Variants in CCDC85A observed in about 807,000 individuals in gnomAD.
CCDC85A encodes the protein coiled-coil domain containing 85A, also known as coiled-coil domain-containing protein 85A.
In CCDC85A, 38 loss-of-function variants were observed where a neutral mutation model predicts 50.2. That is an observed-to-expected ratio of 0.76 (90% CI 0.58 to 0.99). The LOEUF (loss-of-function observed/expected upper bound fraction) is 0.99, where lower values mean the gene tolerates loss of function less well. Among genes scored for constraint, CCDC85A ranks in the 50% least tolerant of loss-of-function variants. The probability of loss-of-function intolerance (pLI) is 0.00; values close to 1 mark genes in which losing one functional copy is unlikely to be tolerated. For missense variants in CCDC85A, 820 were observed against 742.0 expected, an observed-to-expected ratio of 1.11 and a Z score of -1.22; for synonymous variants, 366 against 301.4, an observed-to-expected ratio of 1.21 and a Z score of -2.22.
At chr2:56,293,150 G>A (rs1056943004) in intron 2 of CCDC85A, among the ~76,000 whole-genome samples, 54 of 152,170 alleles carry the variant, frequency 3.5e-4, no homozygotes, top group African/African-American at 1.3e-3. Context: ...GCATGTATTA[G>A]GTCCCGTTAG....
At chr2:56,343,503 G>T (rs1302867298) in intron 3 of CCDC85A, among the ~76,000 whole-genome samples, 3 of 152,112 alleles carry the variant, frequency 2.0e-5, no homozygotes, top group East Asian at 1.9e-4. Context: ...AAGTAAAGTG[G>T]CACTTTTTCC....
At chr2:56,380,475 G>A (rs1017313032) in intron 5 of CCDC85A, among the ~76,000 whole-genome samples, 1 of 151,604 alleles carries the variant, frequency 6.6e-6, no homozygotes, top group African/African-American at 2.4e-5. Flanking sequence ...AGGGAAAATT[G>A]CTTTAGCCCA....
At chr2:56,266,931 A>G (rs1670474941) in intron 2 of CCDC85A, among the ~76,000 whole-genome samples, 1 of 152,178 alleles carries the variant, frequency 6.6e-6, no homozygotes, top group Non-Finnish European at 1.5e-5. Context: ...TGTTTTGGAG[A>G]AAAAGTGAGT....
chr2:56,187,232 G>C (rs1676088072), intron 1 of CCDC85A, among the ~76,000 whole-genome samples: 3 of 152,136 alleles, frequency 2.0e-5, no homozygotes. Context: ...CTGAGGGCTT[G>C]GCATTCTCAG....
intron 3 of CCDC85A, among the ~76,000 whole-genome samples, chr2:56,369,429 C>A (rs989533594): frequency 1.3e-5 from 2 of 152,056 alleles, no homozygotes; most frequent in African/African-American, 4.8e-5. Flanking sequence ...GAATTTTATA[C>A]CCTGTTGAAG....
At chr2:56,279,837 C>T (rs10191699) in intron 2 of CCDC85A, among the ~76,000 whole-genome samples, 2,282 of 152,296 alleles carry the variant, frequency 0.015, 48 homozygotes, top group African/African-American at 0.052. Context: ...TATTCATTCA[C>T]TGATAGAAAT....
chr2:56,304,767 G>C (rs949490533), intron 2 of CCDC85A, among the ~76,000 whole-genome samples: 3 of 151,972 alleles, frequency 2.0e-5, no homozygotes, highest in African/African-American at 4.8e-5. Flanking sequence ...TATGGGATAA[G>C]GCTGGGCGCA....
chr2:56,383,151 A>G (rs1676669149), intron 5 of CCDC85A, among the ~76,000 whole-genome samples: 1 of 152,030 alleles, frequency 6.6e-6, no homozygotes, highest in Non-Finnish European at 1.5e-5. Flanking sequence ...TCTTTGGCTT[A>G]GAAATGAAGG....
chr2:56,288,265 C>T (rs1317766870), intron 2 of CCDC85A, among the ~76,000 whole-genome samples: 1 of 151,720 alleles, frequency 6.6e-6, no homozygotes, highest in African/African-American at 2.4e-5. Flanking sequence ...ATCTTCACTT[C>T]CCACCACTCC....
At chr2:56,359,206 A>G (rs911569581) in intron 3 of CCDC85A, among the ~76,000 whole-genome samples, 1 of 152,166 alleles carries the variant, frequency 6.6e-6, no homozygotes, top group Non-Finnish European at 1.5e-5. Flanking sequence ...CTGAGTTATC[A>G]GTACTGGGAT....
intron 2 of CCDC85A, among the ~76,000 whole-genome samples, chr2:56,247,423 T>C (rs537991657): frequency 6.6e-6 from 1 of 152,330 alleles, no homozygotes; most frequent in African/African-American, 2.4e-5. Context: ...TTTTCCCCTG[T>C]ATACATCATG....
chr2:56,295,503 AG>A (rs1280302760), intron 2 of CCDC85A, among the ~76,000 whole-genome samples: 1 of 152,210 alleles, frequency 6.6e-6, no homozygotes, highest in Non-Finnish European at 1.5e-5. Context: ...GCTAGTGGAA[AG>A]AAGGTTGATC....
At position 56,192,494 on chromosome 2, in the gene CCDC85A, C is replaced by G. The variant is rs1043169592; in HGVS notation, c.294C>G (p.Leu98=). Residue 98 remains leucine, a synonymous_variant, in exon 2 of 6, where the codon CTC becomes CTG. Transcript: ENST00000407595. The surrounding 1 kb of genome is among the most constrained non-coding windows in gnomAD (Gnocchi z 4.7). The part of the protein sequence containing the change: ...IRGLKDINQK[L]QEDNQELRDL... ...CTTTTCAGGATATCAACCAGAAACTCCAGGAAGACAACCAGGAACTGAGGG... is the reference window on the plus strand; with the variant it reads ...CTTTTCAGGATATCAACCAGAAACTGCAGGAAGACAACCAGGAACTGAGGG... 2.5e-6 allele frequency: 4 copies of G among 1,611,604 alleles called. No homozygotes were observed. Among genetic ancestry groups the G allele is most frequent in the African/African-American group, 2.7e-5 (2 of 74,780 alleles).
At chr2:56,368,904 C>T (rs907661205) in intron 3 of CCDC85A, among the ~76,000 whole-genome samples, 3 of 151,766 alleles carry the variant, frequency 2.0e-5, no homozygotes, top group African/African-American at 7.3e-5. Flanking sequence ...TTCTGGCGTG[C>T]AAACAAAACT....
chr2:56,297,880 G>A (rs1164802401), intron 2 of CCDC85A, among the ~76,000 whole-genome samples: 1 of 152,166 alleles, frequency 6.6e-6, no homozygotes, highest in African/African-American at 2.4e-5. Flanking sequence ...TTGGCAGTGT[G>A]TAGGGGTGTA....
chr2:56,191,688 G>C (rs541198970), intron 1 of CCDC85A, among the ~76,000 whole-genome samples: 1 of 152,190 alleles, frequency 6.6e-6, no homozygotes, highest in East Asian at 1.9e-4. Flanking sequence ...GTGCAGTTTG[G>C]GGAGAGAGGT....
At chr2:56,364,954 C>T (rs73940694) in intron 3 of CCDC85A, among the ~76,000 whole-genome samples, 3,439 of 152,260 alleles carry the variant, frequency 0.023, 139 homozygotes, top group African/African-American at 0.078. Context: ...ATCAATCTGT[C>T]CACCACCAAT....
Position 56,192,463 on chromosome 2 carries a change from G to A in CCDC85A, c.277-14G>A, listed in dbSNP as rs1179834881. ...ATGTGTACTTCCCTTGAATGGTTGT[G>A]TCTCTCTTTTCAGGATATCAACCAG... On this transcript the variant is annotated splice_polypyrimidine_tract_variant and intron_variant, in intron 1 of 5. Coordinates refer to ENST00000407595, the MANE Select transcript of CCDC85A (RefSeq NM_001080433.2). This position sits in a 1 kb window ranked among gnomAD's most constrained non-coding sequence, Gnocchi z 4.7. 4 of 1,595,222 alleles carry A rather than the reference G, an allele frequency of 2.5e-6. No individual in the cohort carries two copies. Among genetic ancestry groups the A allele is most frequent in the Admixed American group, 1.7e-5 (1 of 58,534 alleles).
Position 56,193,183 on chromosome 2 carries a change from A to G in CCDC85A, c.983A>G (p.His328Arg). The G allele has an allele frequency of 6.2e-7, 1 of 1,613,206 alleles. No individual in the cohort carries two copies. The highest frequency in any genetic ancestry group is 8.5e-7 in the Non-Finnish European group (1 of 1,179,468). Residue 328 changes from histidine (H) to arginine (R), a missense_variant, in exon 2 of 6, where the codon CAC becomes CGC. Transcript: ENST00000407595. ...QKHRSGSSPE[H>R]ARHSGGSPEH... The stretch of plus-strand genomic sequence containing the variant: ...CACCGGTCAGGGAGCAGCCCTGAAC[A>G]CGCCAGGCACAGTGGAGGGAGCCCG...
Sources: gnomAD v4.1 joint callset for allele counts (sites outside exome capture counted in the v4.1 genomes callset) on GRCh38, gnomAD v4.1.1 for gene constraint, Gnocchi (gnomAD v3.1) non-coding constraint, MANE v1.5 for transcripts, NCBI Gene and HGNC (gene_info 2026-07-23, HGNC 2026-07-21) for gene names.